The following B4GALT5 variants were observed in gnomAD, a reference collection of about 807,000 sequenced individuals.
The protein encoded by B4GALT5 is UDP-Gal:beta-GlcNAc beta-1,4-galactosyltransferase 5.
A neutral mutation model predicts 45.0 loss-of-function variants in B4GALT5; 11 were observed. That is an observed-to-expected ratio of 0.24 (90% CI 0.15 to 0.40). The LOEUF is 0.40. B4GALT5 is among the 10% of genes least tolerant of loss of function. B4GALT5 has a pLI of 1.00. For synonymous variants in B4GALT5, 185 were observed against 182.9 expected (o/e 1.01, Z -0.09); for missense variants, 337 against 500.2 (o/e 0.67, Z 3.11).
intron 3 of B4GALT5, among the ~76,000 whole-genome samples, chr20:49,643,922 CTTTTTTTTTTTTTTTTTT>C (rs138727530): frequency 7.7e-5 from 4 of 52,154 alleles, no homozygotes; most frequent in African/African-American, 3.4e-4. Context: ...AGTAGCTGAG[CTTTTTTTTTTTTTTTTTT>C]TTTTTTTTGA....
At position 49,639,666 on chromosome 20, in the gene B4GALT5, C is replaced by T. The variant is rs771055583; in HGVS notation, c.917+12G>A. On this transcript the variant is annotated intron_variant, in intron 7 of 8. Transcript: ENST00000371711. Reference sequence around the variant, plus strand: ...GCATTTCTAGAAGACACCGAAAGAACGGCAGAGGTACCTGTTCCAGAGGTC... The same window carrying T: ...GCATTTCTAGAAGACACCGAAAGAATGGCAGAGGTACCTGTTCCAGAGGTC... 48 of 1,612,310 alleles carry T rather than the reference C, an allele frequency of 3.0e-5. No individual in the cohort carries two copies. Among genetic ancestry groups the T allele is most frequent in the Middle Eastern group, 1.6e-4 (1 of 6,072 alleles).
intron 1 of B4GALT5, among the ~76,000 whole-genome samples, chr20:49,699,915 C>G (rs1020852538): frequency 1.9e-4 from 29 of 152,210 alleles, no homozygotes; most frequent in African/African-American, 6.3e-4. Context: ...AATCTCATCA[C>G]TTCCTCTGCC....
At chr20:49,697,363 T>A (rs1415096954) in intron 1 of B4GALT5, among the ~76,000 whole-genome samples, 2 of 152,230 alleles carry the variant, frequency 1.3e-5, no homozygotes, top group Non-Finnish European at 2.9e-5. Flanking sequence ...GCTCTTGGAC[T>A]TCTGGCTGTA....
chr20:49,691,109 G>T (rs1001317600), intron 1 of B4GALT5, among the ~76,000 whole-genome samples: 2 of 152,260 alleles, frequency 1.3e-5, no homozygotes, highest in East Asian at 3.9e-4. Flanking sequence ...TTCCTGGAGG[G>T]TTAAGTAATT....
At chr20:49,698,911 G>C (rs2085850331) in intron 1 of B4GALT5, among the ~76,000 whole-genome samples, 1 of 152,018 alleles carries the variant, frequency 6.6e-6, no homozygotes, top group South Asian at 2.1e-4. Flanking sequence ...CAACCACACG[G>C]TTTTCCAATT....
rs114104953 is a variant in B4GALT5, at chr20:49,684,573, A to T, written c.116-27871T>A. On this transcript the variant is annotated intron_variant, in intron 1 of 8. Coordinates refer to ENST00000371711, the MANE Select transcript of B4GALT5 (RefSeq NM_004776.4). ...GCAAGACTCCTCAAGAAGAAAAAAA[A>T]GTTGGTCCCTGAACTGAAAGAGGCC... is the stretch of plus-strand genomic sequence containing the variant. 1,528 of 518,092 alleles carry T rather than the reference A, an allele frequency of 2.9e-3. 18 individuals carry two copies. The highest frequency in any genetic ancestry group is 0.027 in the African/African-American group (1,409 of 52,036). The allele number at this position is 518,092 out of a possible 1,614,324, so 32.1% of individuals were successfully genotyped here. A position where few individuals can be genotyped will look rare whatever the true frequency, so the allele number is the denominator to read the frequency against.
At chr20:49,699,708 G>A (rs4810977) in intron 1 of B4GALT5, among the ~76,000 whole-genome samples, 77,132 of 151,998 alleles carry the variant, frequency 0.51, 19,875 homozygotes, top group South Asian at 0.65. Context: ...AAAAGTCAAG[G>A]TAGGAACGGC....
intron 8 of B4GALT5, 71 bp from the exon 9 acceptor site, chr20:49,636,530 G>A: frequency 6.4e-7 from 1 of 1,552,654 alleles, no homozygotes; most frequent in East Asian, 2.3e-5. Context: ...AGAGGATGGA[G>A]CAGGGCGTCC....
intron 1 of B4GALT5, among the ~76,000 whole-genome samples, chr20:49,668,060 G>A (rs2085699588): frequency 6.6e-6 from 1 of 152,056 alleles, no homozygotes; most frequent in African/African-American, 2.4e-5. Context: ...ACTGGGAGGA[G>A]GGGGGACACA....
intron 8 of B4GALT5, 49 bp downstream of exon 8, chr20:49,637,292 A>G: frequency 6.6e-7 from 1 of 1,506,400 alleles, no homozygotes; most frequent in Non-Finnish European, 9.2e-7. Context: ...ATATCCGGAC[A>G]TGAAAGTATA....
intron 5 of B4GALT5, 115 bp downstream of exon 5, chr20:49,642,353 T>C: frequency 1.3e-6 from 1 of 794,036 alleles, no homozygotes; most frequent in Non-Finnish European, 2.1e-6. Flanking sequence ...CTCAGGCAAC[T>C]CGATCCTAAG....
At position 49,665,481 on chromosome 20, in the gene B4GALT5, AATG is replaced by A. The variant is rs1207078745; in HGVS notation, c.116-8782_116-8780del. On this transcript the variant is annotated intron_variant, in intron 1 of 8. Transcript: ENST00000371711. Reference sequence around the variant, plus strand: ...TAATAATAATAATAATAATAATAATAATGAAGAAACATCAAGTCCTAAGGACTT... The same window carrying A: ...TAATAATAATAATAATAATAATAATAAAGAAACATCAAGTCCTAAGGACTT... Among the ~76,000 whole-genome samples the A allele has an allele frequency of 7.6e-4, 105 of 138,238 alleles. No individual in the cohort carries two copies. In the South Asian group the frequency reaches 0.011, roughly 15 times the overall value. 90.7% of individuals were successfully genotyped at this position (138,238 alleles called of 152,430 possible). A position where few individuals can be genotyped will look rare whatever the true frequency, so the allele number is the denominator to read the frequency against.
chr20:49,711,392 CT>C (rs1467331019), intron 1 of B4GALT5, among the ~76,000 whole-genome samples: 1 of 152,172 alleles, frequency 6.6e-6, no homozygotes, highest in Non-Finnish European at 1.5e-5. Flanking sequence ...AAGAATCTGG[CT>C]TCTAACCTTT....
At chr20:49,645,642 G>A (rs1000479048) in intron 3 of B4GALT5, among the ~76,000 whole-genome samples, 25 of 151,880 alleles carry the variant, frequency 1.6e-4, no homozygotes, top group South Asian at 1.3e-3. Flanking sequence ...CCAGCTACTC[G>A]GGAGGCTGAG....
chr20:49,674,518 G>GA (rs371716188), intron 1 of B4GALT5, among the ~76,000 whole-genome samples: 3 of 151,894 alleles, frequency 2.0e-5, no homozygotes, highest in African/African-American at 7.3e-5. Flanking sequence ...AAAATCCCAG[G>GA]AATTAGTAAC....
intron 1 of B4GALT5, among the ~76,000 whole-genome samples, chr20:49,712,674 G>C (rs1437765574): frequency 6.6e-6 from 1 of 152,052 alleles, no homozygotes. Flanking sequence ...CAATACTGAA[G>C]AACCACACCA....
intron 7 of B4GALT5, 51 bp downstream of exon 7, chr20:49,639,627 T>C (rs1408389197): frequency 6.2e-7 from 1 of 1,604,918 alleles, no homozygotes. Context: ...AGTATTGGTC[T>C]GCAGTCTAAG....
At chr20:49,675,353 A>T (rs896174760) in intron 1 of B4GALT5, among the ~76,000 whole-genome samples, 1 of 152,186 alleles carries the variant, frequency 6.6e-6, no homozygotes, top group Non-Finnish European at 1.5e-5. Flanking sequence ...AAATGCAACA[A>T]ATATTAAATT....
chr20:49,669,437 C>T (rs1436923484), intron 1 of B4GALT5, among the ~76,000 whole-genome samples: 1 of 152,114 alleles, frequency 6.6e-6, no homozygotes, highest in Non-Finnish European at 1.5e-5. Context: ...TTGCTCACAC[C>T]TGTAATCCCA....
Sources: allele counts gnomAD v4.1 joint callset (sites outside exome capture counted in the v4.1 genomes callset), GRCh38; gene constraint gnomAD v4.1.1; transcripts MANE v1.5; gene names NCBI Gene and HGNC (gene_info 2026-07-23, HGNC 2026-07-21).